PCDH15: variants seen among roughly 807,000 people sequenced by gnomAD.
The protein encoded by PCDH15 is protocadherin-15.
A neutral mutation model predicts 178.5 loss-of-function variants in PCDH15; 129 were observed. That is an observed-to-expected ratio of 0.72 (90% CI 0.63 to 0.84). The LOEUF is 0.84. Ranked by LOEUF, PCDH15 falls within the 40% of genes least tolerant of loss-of-function variation. PCDH15 has a pLI of 0.00. For missense variants in PCDH15, 2,230 were observed against 2,099.9 expected (o/e 1.06, Z -1.21); for synonymous variants, 800 against 732.0 (o/e 1.09, Z -1.50).
intron 2 of PCDH15, among the ~76,000 whole-genome samples, chr10:55,098,516 G>A (rs763558969): frequency 1.3e-5 from 2 of 152,076 alleles, no homozygotes; most frequent in African/African-American, 2.4e-5. Context: ...CAGCAGTTGT[G>A]CCAATAGGAA....
At chr10:54,720,366 T>G (rs911871740) in intron 1 of PCDH15, among the ~76,000 whole-genome samples, 1 of 151,876 alleles carries the variant, frequency 6.6e-6, no homozygotes, top group Non-Finnish European at 1.5e-5. Context: ...GTCATCAGAA[T>G]TTTCAAAGTC....
At chr10:54,947,034 T>C (rs1838215337) in intron 2 of PCDH15, among the ~76,000 whole-genome samples, 1 of 151,932 alleles carries the variant, frequency 6.6e-6, no homozygotes, top group Non-Finnish European at 1.5e-5. Flanking sequence ...TGCCTTTTCC[T>C]TGTGGACTGA....
intron 2 of PCDH15, among the ~76,000 whole-genome samples, chr10:55,161,782 G>A (rs1839072750): frequency 6.6e-6 from 1 of 152,086 alleles, no homozygotes; most frequent in South Asian, 2.1e-4. Flanking sequence ...GTGATCTGAG[G>A]ATCGCATTTG....
chr10:55,191,925 A>C (rs1342807042), intron 1 of PCDH15, among the ~76,000 whole-genome samples: 1 of 151,950 alleles, frequency 6.6e-6, no homozygotes, highest in Non-Finnish European at 1.5e-5. Context: ...AAACCACTGC[A>C]AATCCCGTTT....
intron 2 of PCDH15, among the ~76,000 whole-genome samples, chr10:55,149,083 A>G (rs1838610527): frequency 6.6e-6 from 1 of 151,388 alleles, no homozygotes; most frequent in Non-Finnish European, 1.5e-5. Flanking sequence ...GAAATGATAG[A>G]TACAAACATA....
At chr10:54,812,274 T>C (rs1421007853) in intron 3 of PCDH15, among the ~76,000 whole-genome samples, 2 of 63,414 alleles carry the variant, frequency 3.2e-5, no homozygotes, top group Non-Finnish European at 7.0e-5. Flanking sequence ...TTCCTCTTCC[T>C]TTTTTTTTTT....
chr10:53,923,925 C>T (rs1480052124), intron 25 of PCDH15, among the ~76,000 whole-genome samples: 1 of 152,224 alleles, frequency 6.6e-6, no homozygotes, highest in Non-Finnish European at 1.5e-5. Flanking sequence ...TCTTGACAGC[C>T]TCAGAAAGAC....
intron 8 of PCDH15, among the ~76,000 whole-genome samples, chr10:54,306,076 A>G (rs1181572459): frequency 6.6e-6 from 1 of 151,978 alleles, no homozygotes; most frequent in Admixed American, 6.6e-5. Flanking sequence ...TCTATTTTTC[A>G]ATGCCATTCT....
At chr10:54,871,545 A>G (rs1292303229) in intron 3 of PCDH15, among the ~76,000 whole-genome samples, 1 of 152,106 alleles carries the variant, frequency 6.6e-6, no homozygotes, top group East Asian at 1.9e-4. Context: ...CTACATCTCT[A>G]AAAGAGTAAA....
rs556419588 is a variant in PCDH15, at chr10:54,434,566, A to G, written c.158-55624T>C. On this transcript the variant is annotated intron_variant, in intron 3 of 37. Coordinates refer to ENST00000644397, the MANE Select transcript of PCDH15 (RefSeq NM_001384140.1). ...GCCTAGGAGAAATAAGCTATACCAT[A>G]TAGCAGAGGTGTGTAGCAGGCTATA... Among the ~76,000 whole-genome samples, 53 of 152,368 alleles carry G rather than the reference A, an allele frequency of 3.5e-4. 1 individual carries two copies. The highest frequency in any genetic ancestry group is 6.3e-4 in the Non-Finnish European group (43 of 68,034).
chr10:54,302,692 AC>A (rs990799679), intron 8 of PCDH15, among the ~76,000 whole-genome samples: 2 of 152,126 alleles, frequency 1.3e-5, no homozygotes, highest in African/African-American at 2.4e-5. Context: ...AGTCGATCAG[AC>A]TAAAACAAAT....
intron 2 of PCDH15, among the ~76,000 whole-genome samples, chr10:55,372,443 C>A (rs1245003187): frequency 1.3e-5 from 2 of 151,886 alleles, no homozygotes; most frequent in African/African-American, 2.4e-5. Flanking sequence ...CCTTAAAAAT[C>A]AAAAAACCAA....
At chr10:54,292,832 A>G (rs1361991575) in intron 8 of PCDH15, among the ~76,000 whole-genome samples, 1 of 152,216 alleles carries the variant, frequency 6.6e-6, no homozygotes, top group Non-Finnish European at 1.5e-5. Context: ...AAAATATGGA[A>G]GAAAATTCCA....
intron 1 of PCDH15, among the ~76,000 whole-genome samples, chr10:55,199,656 G>A (rs1840187722): frequency 6.6e-6 from 1 of 152,078 alleles, no homozygotes; most frequent in Admixed American, 6.5e-5. Context: ...CTTTGTGGCA[G>A]CCCCTCCCAT....
intron 2 of PCDH15, among the ~76,000 whole-genome samples, chr10:55,598,513 AATATATATATATATATATATATATAT>A (rs61184409): frequency 0.06 from 5,034 of 83,430 alleles, 510 homozygotes; most frequent in East Asian, 0.37. Flanking sequence ...AGCAAACCCT[AATATATATATATATATATATATATAT>A]ATATATATAT....
intron 8 of PCDH15, among the ~76,000 whole-genome samples, chr10:54,293,043 A>C (rs1170119209): frequency 6.6e-6 from 1 of 152,218 alleles, no homozygotes; most frequent in Non-Finnish European, 1.5e-5. Context: ...AGCTGGAGGC[A>C]TCATGTAACC....
At chr10:55,191,897 G>C (rs564904989) in intron 1 of PCDH15, among the ~76,000 whole-genome samples, 1 of 151,714 alleles carries the variant, frequency 6.6e-6, no homozygotes, top group South Asian at 2.1e-4. Context: ...GCATGACACT[G>C]TGTTTGAACA....
chr10:54,495,904 A>C (rs2080066019), intron 3 of PCDH15, among the ~76,000 whole-genome samples: 1 of 152,172 alleles, frequency 6.6e-6, no homozygotes, highest in Non-Finnish European at 1.5e-5. Flanking sequence ...CTTAATAAAA[A>C]ATCTACAAGC....
At chr10:54,293,710 T>A (rs944477567) in intron 8 of PCDH15, among the ~76,000 whole-genome samples, 8 of 152,128 alleles carry the variant, frequency 5.3e-5, no homozygotes, top group Non-Finnish European at 7.4e-5. Context: ...AACAGACACA[T>A]GAAAAAATGC....
Sources: gnomAD v4.1 joint callset for allele counts (sites outside exome capture counted in the v4.1 genomes callset) on GRCh38, gnomAD v4.1.1 for gene constraint, MANE v1.5 for transcripts, NCBI Gene and HGNC (gene_info 2026-07-23, HGNC 2026-07-21) for gene names.